Variants in COL10A1 observed in about 807,000 individuals in gnomAD.
COL10A1 encodes collagen alpha-1(X) chain.
A neutral mutation model predicts 18.2 loss-of-function variants in COL10A1; 10 were observed. That is an observed-to-expected ratio of 0.55 (90% CI 0.34 to 0.93). The LOEUF (loss-of-function observed/expected upper bound fraction) is 0.93, where lower values mean the gene tolerates loss of function less well. Ranked by LOEUF, COL10A1 falls within the 40% of genes least tolerant of loss-of-function variation. The pLI is 0.02. For missense variants in COL10A1, 897 were observed against 853.5 expected (o/e 1.05, Z -0.64); for synonymous variants, 330 against 316.6 (o/e 1.04, Z -0.45).
At position 116,119,447 on chromosome 6, in the gene COL10A1, A is replaced by G. The variant is rs1249584687; in HGVS notation, c.*626T>C. 1.3e-5 allele frequency: 2 copies of G among 152,624 alleles called. No individual in the cohort carries two copies. Among genetic ancestry groups the G allele is most frequent in the Non-Finnish European group, 2.9e-5 (2 of 68,058 alleles). The allele number at this position is 152,624 out of a possible 1,614,324, so 9.5% of individuals were successfully genotyped here. A position where few individuals can be genotyped will look rare whatever the true frequency, so the allele number is the denominator to read the frequency against. ...CACCTTGCATTTCAGATGAACTTCAATATTTTGGGGCTTTTTTATATAAGA... is the reference window on the plus strand; with the variant it reads ...CACCTTGCATTTCAGATGAACTTCAGTATTTTGGGGCTTTTTTATATAAGA... On this transcript the variant is annotated 3_prime_UTR_variant, in exon 3 of 3. Transcript: ENST00000651968.
In COL10A1 at chr6:116,135,868, T is replaced by TAC. The variant is rs1368513713; in HGVS notation, c.-15-10362_-15-10361insGT. ...ATATATATATATATATATATATATATATATACACACATACACACACATTGC... is the reference window on the plus strand; with the variant it reads ...ATATATATATATATATATATATATATACATATACACACATACACACACATTGC... On this transcript the variant is annotated intron_variant, in intron 1 of 1. Transcript: ENST00000418500. 9.1e-4 allele frequency among the ~76,000 whole-genome samples: 105 copies of TAC among 115,234 alleles called. 2 individuals are homozygous for TAC. Among genetic ancestry groups the TAC allele is most frequent in the African/African-American group, 3.7e-3 (97 of 26,522 alleles). The allele number at this position is 115,234 out of a possible 152,430, so 75.6% of individuals were successfully genotyped here.
the COL10A1 span, among the ~76,000 whole-genome samples, chr6:116,165,706 G>T: frequency 6.6e-6 from 1 of 152,140 alleles, no homozygotes; most frequent in Admixed American, 6.5e-5. Flanking sequence ...TGTCCCAAGG[G>T]GGTTCTTAGT....
At position 116,120,900 on chromosome 6, in the gene COL10A1, G is replaced by A. The variant is rs1779098909; in HGVS notation, c.1216C>T (p.Pro406Ser). 2 of 1,613,818 alleles carry A rather than the reference G, an allele frequency of 1.2e-6. No homozygotes were observed. The highest frequency in any genetic ancestry group is 4.5e-5 in the East Asian group (2 of 44,848). The change falls in exon 3 of 3, where the codon CCA (proline) becomes TCA (serine). Residue 406 changes from proline (P) to serine (S), a missense_variant. Coordinates refer to ENST00000651968, the MANE Select transcript of COL10A1 (RefSeq NM_000493.4). ...ACTCCAGGATCACCTTTTGGACCTGGTAACCCTGGGTTACCCTTAGGACCA... is the reference window on the plus strand; with the variant it reads ...ACTCCAGGATCACCTTTTGGACCTGATAACCCTGGGTTACCCTTAGGACCA... ...LDGPKGNPGLPGPKGDPGVGG... is the reference protein window; with the variant it reads ...LDGPKGNPGLSGPKGDPGVGG...
At chr6:116,199,899 T>G in the COL10A1 span, among the ~76,000 whole-genome samples, 1 of 151,874 alleles carries the variant, frequency 6.6e-6, no homozygotes, top group Non-Finnish European at 1.5e-5. Flanking sequence ...CAAAATAGTT[T>G]ATGCACACAT....
chr6:116,119,765 TTTGTTGTTTG>T lies in COL10A1; in HGVS notation c.*298_*307del. ...TTCTGTTTTTTTTTTTAATTTTTTT[TTTGTTGTTTG>T]TTTTTTGTTGTTTGTTTTTAACATA... On this transcript the variant is annotated 3_prime_UTR_variant, in exon 3 of 3. Coordinates refer to ENST00000651968, the MANE Select transcript of COL10A1 (RefSeq NM_000493.4). 1 of 250,764 alleles carries T rather than the reference TTTGTTGTTTG, an allele frequency of 4.0e-6. No individual in the cohort carries two copies. Among genetic ancestry groups the T allele is most frequent in the Non-Finnish European group, 7.6e-6 (1 of 131,398 alleles). The allele number at this position is 250,764 out of a possible 1,614,324, so 15.5% of individuals were successfully genotyped here. A position where few individuals can be genotyped will look rare whatever the true frequency, so the allele number is the denominator to read the frequency against.
In COL10A1 at chr6:116,121,616, G is replaced by A; in HGVS notation, c.500C>T (p.Pro167Leu). Reference sequence around the variant, plus strand: ...TTCTCCAGGAAAGCCCCTGGGTCCTGGGGCTCCTGTGGGTCCCTGTTGTCC... The same window carrying A: ...TTCTCCAGGAAAGCCCCTGGGTCCTAGGGCTCCTGTGGGTCCCTGTTGTCC... ...KPGQQGPTGA[P>L]GPRGFPGEKG... Residue 167 changes from proline to leucine, a missense_variant, in exon 3 of 3, where the codon CCA (proline) becomes CTA (leucine). Coordinates refer to ENST00000651968, the MANE Select transcript of COL10A1 (RefSeq NM_000493.4). 6.2e-7 allele frequency: 1 copy of A among 1,613,972 alleles called. No individual in the cohort carries two copies. Among genetic ancestry groups the A allele is most frequent in the Non-Finnish European group, 8.5e-7 (1 of 1,179,904 alleles).
At chr6:116,152,187 G>A (rs1780059684) in intron 1 of COL10A1, among the ~76,000 whole-genome samples, 1 of 152,138 alleles carries the variant, frequency 6.6e-6, no homozygotes, top group African/African-American at 2.4e-5. Flanking sequence ...TCTTAAACTA[G>A]TTTGAAGATT....
chr6:116,162,899 G>A (rs1443099257), upstream of COL10A1, among the ~76,000 whole-genome samples: 2 of 151,814 alleles, frequency 1.3e-5, no homozygotes, highest in African/African-American at 2.4e-5. Flanking sequence ...AGGCCAAGGC[G>A]GGCAGATCAC....
At chr6:116,163,502 GT>G (rs1780392926), upstream of COL10A1, among the ~76,000 whole-genome samples, 1 of 151,586 alleles carries the variant, frequency 6.6e-6, no homozygotes, top group Non-Finnish European at 1.5e-5. Flanking sequence ...GCTTATTTGA[GT>G]CCTCTTTTTT....
chr6:116,131,690 A>C (rs2114332335), intron 1 of COL10A1, among the ~76,000 whole-genome samples: 1 of 152,168 alleles, frequency 6.6e-6, no homozygotes, highest in Middle Eastern at 3.4e-3. Context: ...TTTAACTTTT[A>C]AATTCAGGGG....
chr6:116,124,433 G>A (rs1376053655), intron 2 of COL10A1, among the ~76,000 whole-genome samples: 1 of 152,080 alleles, frequency 6.6e-6, no homozygotes. Context: ...GAACCTTAGT[G>A]CTTTACATAT....
chr6:116,147,782 A>G (rs1481680738), intron 1 of COL10A1, among the ~76,000 whole-genome samples: 1 of 152,210 alleles, frequency 6.6e-6, no homozygotes, highest in East Asian at 1.9e-4. Flanking sequence ...TGATGTATAT[A>G]CAGGGTTATT....
chr6:116,202,391 A>G, the COL10A1 span, among the ~76,000 whole-genome samples: 1 of 152,074 alleles, frequency 6.6e-6, no homozygotes, highest in African/African-American at 2.4e-5. Flanking sequence ...TCACTAAAAA[A>G]TAAAATTCAC....
the COL10A1 span, among the ~76,000 whole-genome samples, chr6:116,183,113 C>T: frequency 3.3e-5 from 5 of 152,062 alleles, no homozygotes; most frequent in Admixed American, 1.3e-4. Flanking sequence ...TGTCCCTGCA[C>T]CATTTGTTGA....
the COL10A1 span, among the ~76,000 whole-genome samples, chr6:116,207,216 G>A: frequency 6.6e-6 from 1 of 151,884 alleles, no homozygotes; most frequent in Non-Finnish European, 1.5e-5. Context: ...AAGATTGAAG[G>A]TATGCACTCA....
intron 1 of COL10A1, among the ~76,000 whole-genome samples, chr6:116,150,690 C>G (rs1166167983): frequency 6.6e-6 from 1 of 152,156 alleles, no homozygotes; most frequent in Non-Finnish European, 1.5e-5. Context: ...GAGCATTAGT[C>G]TAGCAGTATT....
At chr6:116,168,970 T>G in the COL10A1 span, among the ~76,000 whole-genome samples, 4 of 152,322 alleles carry the variant, frequency 2.6e-5, no homozygotes, top group Non-Finnish European at 5.9e-5. Context: ...TGGGTCAACC[T>G]GGAGAGCTCA....
At chr6:116,132,169 G>C (rs1779485085) in intron 1 of COL10A1, among the ~76,000 whole-genome samples, 1 of 152,064 alleles carries the variant, frequency 6.6e-6, no homozygotes, top group Admixed American at 6.6e-5. Flanking sequence ...GAATGTCTTT[G>C]GGAGAGAGTC....
chr6:116,170,217 A>T, the COL10A1 span, among the ~76,000 whole-genome samples: 1 of 151,216 alleles, frequency 6.6e-6, no homozygotes, highest in Non-Finnish European at 1.5e-5. Context: ...CTAGGGGATG[A>T]TATGGAATGA....
Sources: allele counts gnomAD v4.1 joint callset (sites outside exome capture counted in the v4.1 genomes callset), GRCh38; gene constraint gnomAD v4.1.1; transcripts MANE v1.5; gene names NCBI Gene and HGNC (gene_info 2026-07-23, HGNC 2026-07-21).